The following MMGT1 variants were observed in gnomAD, a reference collection of about 807,000 sequenced individuals.
MMGT1 encodes membrane magnesium transporter 1.
In MMGT1, 2 loss-of-function variants were observed where a neutral mutation model predicts 11.7. The observed-to-expected ratio is 0.17, with a 90% CI of 0.07 to 0.54. The LOEUF is 0.54. Ranked by LOEUF, MMGT1 falls within the 20% of genes least tolerant of loss-of-function variation. The pLI, the probability that MMGT1 is intolerant of heterozygous loss-of-function variation, is 0.94. For synonymous variants in MMGT1, 49 were observed against 44.4 expected (o/e 1.10, Z -0.41); for missense variants, 74 against 109.0 (o/e 0.68, Z 1.43).
chrX:135,963,774 T>C lies in MMGT1; in HGVS notation c.*1250A>G. 1 of 112,498 alleles carries C rather than the reference T, an allele frequency of 8.9e-6. No homozygotes were observed. Among genetic ancestry groups the C allele is most frequent in the Non-Finnish European group, 1.9e-5 (1 of 53,232 alleles). 9.3% of individuals were successfully genotyped at this position (112,498 alleles called of 1,213,427 possible). A position where few individuals can be genotyped will look rare whatever the true frequency, so the allele number is the denominator to read the frequency against. On this transcript the variant is annotated 3_prime_UTR_variant, in exon 4 of 4. Transcript: ENST00000305963. ...AACCTGCATACAGTTATTCCCTTTT[T>C]ACACCTATACAATTCAACAAAAGCA...
intron 1 of MMGT1, among the ~76,000 whole-genome samples, 163 bp downstream of exon 1, chrX:135,973,434 C>T (rs782421749): frequency 2.7e-5 from 3 of 112,522 alleles, no homozygotes; most frequent in African/African-American, 9.7e-5. Context: ...AAACTCCGAA[C>T]CTTCCACTGG....
At position 135,961,409 on chromosome X, in the gene MMGT1, T is replaced by TA. The variant is rs2089154114; in HGVS notation, c.*3614_*3615insT. On this transcript the variant is annotated 3_prime_UTR_variant, in exon 4 of 4. Coordinates refer to ENST00000305963, the MANE Select transcript of MMGT1 (RefSeq NM_173470.3). ...TAAAAAATAAAAAATTGTTTTCCTGTGAGTACAAGACACTTGAAACTGGTT... is the reference window on the plus strand; with the variant it reads ...TAAAAAATAAAAAATTGTTTTCCTGTAGAGTACAAGACACTTGAAACTGGTT... 9.0e-6 allele frequency among the ~76,000 whole-genome samples: 1 copy of TA among 111,610 alleles called. No individual in the cohort carries two copies. The highest frequency in any genetic ancestry group is 3.3e-5 in the African/African-American group (1 of 30,714).
chrX:135,970,832 C>G (rs1556612523), intron 2 of MMGT1, among the ~76,000 whole-genome samples: 1 of 112,078 alleles, frequency 8.9e-6, no homozygotes, highest in African/African-American at 3.2e-5. Flanking sequence ...TGGTGTGAAC[C>G]TGGGAGGCGG....
intron 2 of MMGT1, among the ~76,000 whole-genome samples, chrX:135,969,788 A>G (rs2089207333): frequency 8.9e-6 from 1 of 112,497 alleles, no homozygotes; most frequent in Non-Finnish European, 1.9e-5. Flanking sequence ...TAAAGAAAAA[A>G]TAATACGTGT....
In MMGT1 at chrX:135,963,969, G is replaced by A. The variant is rs1556611692; in HGVS notation, c.*1055C>T. 1 of 112,503 alleles carries A rather than the reference G, an allele frequency of 8.9e-6. No individual in the cohort carries two copies. Among genetic ancestry groups the A allele is most frequent in the African/African-American group, 3.2e-5 (1 of 30,996 alleles). The allele number at this position is 112,503 out of a possible 1,213,427, so 9.3% of individuals were successfully genotyped here. A position where few individuals can be genotyped will look rare whatever the true frequency, so the allele number is the denominator to read the frequency against. On this transcript the variant is annotated 3_prime_UTR_variant, in exon 4 of 4. Transcript: ENST00000305963. ...ATCCTCACTTTCAGCAACATACAGT[G>A]AAGATGGAAAACTTGAAGACTGCTA...
chrX:135,966,927 A>G (rs1240558048), intron 3 of MMGT1, among the ~76,000 whole-genome samples: 6 of 110,993 alleles, frequency 5.4e-5, no homozygotes, highest in African/African-American at 2.0e-4. Flanking sequence ...AGCTTATCTC[A>G]CATACTAGGT....
chrX:135,971,585 A>T (rs1556612606), intron 1 of MMGT1, among the ~76,000 whole-genome samples: 1 of 112,484 alleles, frequency 8.9e-6, no homozygotes, highest in Non-Finnish European at 1.9e-5. Context: ...AATCACAATT[A>T]TTTAAAAAGT....
chrX:135,965,812 C>T (rs1278958895), intron 3 of MMGT1, among the ~76,000 whole-genome samples: 2 of 111,769 alleles, frequency 1.8e-5, no homozygotes, highest in East Asian at 5.6e-4. Flanking sequence ...TAACGCATGT[C>T]GAATAGTCTT....
rs782620755 is a variant in MMGT1 at position 135,961,535 on chromosome X, G to T, written c.*3489C>A. ...GCCATGTGCATACATCATCTTTCTT[G>T]CCCCCACTCCCCTTTCTAAGAACAC... is the stretch of plus-strand genomic sequence containing the variant. On this transcript the variant is annotated 3_prime_UTR_variant, in exon 4 of 4. Transcript: ENST00000305963. 2.4e-3 allele frequency among the ~76,000 whole-genome samples: 264 copies of T among 110,952 alleles called. No homozygotes were observed. Among genetic ancestry groups the T allele is most frequent in the South Asian group, 0.019 (49 of 2,628 alleles).
chrX:135,973,670 C>T lies in MMGT1; in HGVS notation c.6G>A (p.Ala2=), dbSNP rs2089234138. 1.7e-6 allele frequency: 2 copies of T among 1,167,196 alleles called. No individual in the cohort carries two copies. The highest frequency in any genetic ancestry group is 3.6e-5 in the African/African-American group (2 of 56,322). Residue 2 remains alanine, a synonymous_variant, in exon 1 of 4, where the codon GCG becomes GCA. Coordinates refer to ENST00000305963, the MANE Select transcript of MMGT1 (RefSeq NM_173470.3). ...CCACCAGCCCCTTCCACAGCGACGG[C>T]GCCATGATGCCGAAGGAGCAGCAGC... M[A]PSLWKGLVGI...
chrX:135,961,414 A>T lies in MMGT1; in HGVS notation c.*3610T>A, dbSNP rs1379458112. ...AATAAAAAATTGTTTTCCTGTGAGT[A>T]CAAGACACTTGAAACTGGTTACTTT... On this transcript the variant is annotated 3_prime_UTR_variant, in exon 4 of 4. Transcript: ENST00000305963. 9.0e-6 allele frequency among the ~76,000 whole-genome samples: 1 copy of T among 111,703 alleles called. No individual in the cohort carries two copies. Among genetic ancestry groups the T allele is most frequent in the African/African-American group, 3.3e-5 (1 of 30,721 alleles).
At chrX:135,970,140 G>A (rs2089209196) in intron 2 of MMGT1, among the ~76,000 whole-genome samples, 3 of 111,145 alleles carry the variant, frequency 2.7e-5, no homozygotes, top group Admixed American at 1.9e-4. Context: ...TGAGGCAGAT[G>A]GATCACCTGA....
In MMGT1 at chrX:135,964,045, A is replaced by T. The variant is rs1176882391; in HGVS notation, c.*979T>A. The T allele has an allele frequency of 8.9e-6, 1 of 112,736 alleles. No individual in the cohort carries two copies. Among genetic ancestry groups the T allele is most frequent in the African/African-American group, 3.2e-5 (1 of 31,097 alleles). The allele number at this position is 112,736 out of a possible 1,213,427, so 9.3% of individuals were successfully genotyped here. A position where few individuals can be genotyped will look rare whatever the true frequency, so the allele number is the denominator to read the frequency against. On this transcript the variant is annotated 3_prime_UTR_variant, in exon 4 of 4. Transcript: ENST00000305963. Reference sequence around the variant, plus strand: ...CTTAAATGACCTGATTTTCCTAAAAACCTTAAAAACATTAGTTCCAAATAC... The same window carrying T: ...CTTAAATGACCTGATTTTCCTAAAATCCTTAAAAACATTAGTTCCAAATAC...
intron 1 of MMGT1, among the ~76,000 whole-genome samples, chrX:135,971,902 A>T (rs1455273108): frequency 1.8e-5 from 2 of 112,589 alleles, no homozygotes; most frequent in Non-Finnish European, 3.7e-5. Flanking sequence ...CAGTGATCAT[A>T]ATACATATCT....
intron 2 of MMGT1, among the ~76,000 whole-genome samples, chrX:135,970,243 T>C (rs782742564): frequency 9.1e-6 from 1 of 109,771 alleles, no homozygotes; most frequent in East Asian, 2.9e-4. Context: ...GGTGGGCGCC[T>C]ATAATCCCAG....
In MMGT1 at chrX:135,963,295, G is replaced by A. The variant is rs1032380759; in HGVS notation, c.*1729C>T. On this transcript the variant is annotated 3_prime_UTR_variant, in exon 4 of 4. Coordinates refer to ENST00000305963, the MANE Select transcript of MMGT1 (RefSeq NM_173470.3). ...TTAAAATAAGTGAATTGTAAGGTATGTGAATTATATCTCAATAATGTTACA... is the reference window on the plus strand; with the variant it reads ...TTAAAATAAGTGAATTGTAAGGTATATGAATTATATCTCAATAATGTTACA... 1 of 111,554 alleles carries A rather than the reference G, an allele frequency of 9.0e-6. No homozygotes were observed. The highest frequency in any genetic ancestry group is 1.9e-5 in the Non-Finnish European group (1 of 53,142). The allele number at this position is 111,554 out of a possible 1,213,427, so 9.2% of individuals were successfully genotyped here.
rs782778962 is a variant in MMGT1, at chrX:135,965,548, G to A, written c.237-365C>T. 2.0e-3 allele frequency among the ~76,000 whole-genome samples: 223 copies of A among 110,973 alleles called. 2 individuals are homozygous for A. The highest frequency in any genetic ancestry group is 3.3e-3 in the Non-Finnish European group (173 of 52,981). The stretch of plus-strand genomic sequence containing the variant: ...CCCCAAGTGCTGGCACTACAGATGC[G>A]CACCACCACACATGGCTTTCTTTTA... On this transcript the variant is annotated intron_variant, in intron 3 of 3. Coordinates refer to ENST00000305963, the MANE Select transcript of MMGT1 (RefSeq NM_173470.3).
intron 2 of MMGT1, among the ~76,000 whole-genome samples, chrX:135,968,104 G>A (rs1307113204): frequency 8.9e-6 from 1 of 111,857 alleles, no homozygotes; most frequent in Non-Finnish European, 1.9e-5. Context: ...CGCCCGCCAC[G>A]GCCTCCCAAA....
Position 135,964,965 on chromosome X carries a change from C to A in MMGT1, c.*59G>T. 9.3e-7 allele frequency: 1 copy of A among 1,076,601 alleles called. No individual in the cohort carries two copies. Among genetic ancestry groups the A allele is most frequent in the Non-Finnish European group, 1.3e-6 (1 of 782,962 alleles). 88.7% of individuals were successfully genotyped at this position (1,076,601 alleles called of 1,213,427 possible). A position where few individuals can be genotyped will look rare whatever the true frequency, so the allele number is the denominator to read the frequency against. On this transcript the variant is annotated 3_prime_UTR_variant, in exon 4 of 4. Coordinates refer to ENST00000305963, the MANE Select transcript of MMGT1 (RefSeq NM_173470.3). ...TGGGGGCAGGGAGGAGTGTTTTATA[C>A]CCCAAACTCCAATATTCCAGCTCTG...
Sources: gnomAD v4.1 joint callset for allele counts (sites outside exome capture counted in the v4.1 genomes callset) on GRCh38, gnomAD v4.1.1 for gene constraint, MANE v1.5 for transcripts, NCBI Gene and HGNC (gene_info 2026-07-23, HGNC 2026-07-21) for gene names.